The following PLPP1 variants were observed in gnomAD, a reference collection of about 807,000 sequenced individuals.
PLPP1 encodes the protein lipid phosphate phosphohydrolase 1a.
PLPP1 carries 24 observed loss-of-function variants against 31.2 expected under a neutral mutation model. The ratio of observed to expected loss-of-function variants is 0.77; its 90% confidence interval spans 0.56 to 1.08. The LOEUF is 1.08. Ranked by LOEUF, PLPP1 falls within the 50% of genes least tolerant of loss-of-function variation. The pLI, the probability that PLPP1 is intolerant of heterozygous loss-of-function variation, is 0.00. For missense variants in PLPP1, 319 were observed against 342.7 expected, an observed-to-expected ratio of 0.93 and a Z score of 0.55; for synonymous variants, 146 against 126.3, an observed-to-expected ratio of 1.16 and a Z score of -1.05.
At chr5:55,520,854 A>C (rs1209544606) in intron 1 of PLPP1, among the ~76,000 whole-genome samples, 3 of 152,210 alleles carry the variant, frequency 2.0e-5, no homozygotes, top group Non-Finnish European at 4.4e-5. Flanking sequence ...ATGTGCCCAA[A>C]AGTTTACATT....
intron 1 of PLPP1, among the ~76,000 whole-genome samples, chr5:55,495,398 G>C (rs1326528385): frequency 6.6e-6 from 1 of 152,128 alleles, no homozygotes; most frequent in Non-Finnish European, 1.5e-5. Context: ...GGCTGTGTCT[G>C]TCTTGTTCAG....
At chr5:55,509,705 C>T (rs988909252) in intron 1 of PLPP1, among the ~76,000 whole-genome samples, 1 of 152,098 alleles carries the variant, frequency 6.6e-6, no homozygotes, top group African/African-American at 2.4e-5. Context: ...GCTATTAGGG[C>T]AAGTTACTTC....
intron 1 of PLPP1, among the ~76,000 whole-genome samples, chr5:55,511,759 G>T (rs1260252711): frequency 1.4e-5 from 2 of 145,164 alleles, no homozygotes; most frequent in African/African-American, 5.1e-5. Context: ...CGCCTCCAGG[G>T]TTGACGCCAT....
chr5:55,534,888 C>T lies in PLPP1; in HGVS notation c.-259G>A. ...GGCGCTCGTGTGCCAGCCGCGGCAGCTCTGTAGCCTCAGGACCTCCTCAGC... is the reference window on the plus strand; with the variant it reads ...GGCGCTCGTGTGCCAGCCGCGGCAGTTCTGTAGCCTCAGGACCTCCTCAGC... On this transcript the variant is annotated 5_prime_UTR_variant, in exon 1 of 6. Coordinates refer to ENST00000307259, the MANE Select transcript of PLPP1 (RefSeq NM_003711.4). 1 of 484,494 alleles carries T rather than the reference C, an allele frequency of 2.1e-6. No homozygotes were observed. Among genetic ancestry groups the T allele is most frequent in the East Asian group, 3.8e-5 (1 of 26,636 alleles). The allele number at this position is 484,494 out of a possible 1,614,324, so 30.0% of individuals were successfully genotyped here. A position where few individuals can be genotyped will look rare whatever the true frequency, so the allele number is the denominator to read the frequency against.
At chr5:55,455,655 G>C (rs1751990243) in intron 3 of PLPP1, among the ~76,000 whole-genome samples, 1 of 152,198 alleles carries the variant, frequency 6.6e-6, no homozygotes, top group African/African-American at 2.4e-5. Context: ...CTAGCTAGCT[G>C]TGTATGCCCT....
At chr5:55,530,604 C>A (rs35984984) in intron 1 of PLPP1, 47,810 of 1,445,274 alleles carry the variant, frequency 0.033, 1,909 homozygotes, top group Admixed American at 0.14. Context: ...AAGTCTCATG[C>A]GATAGAATTT....
intron 2 of PLPP1, among the ~76,000 whole-genome samples, chr5:55,473,994 G>GTTT (rs59649742): frequency 0.026 from 3,822 of 144,882 alleles, 120 homozygotes; most frequent in African/African-American, 0.042. Flanking sequence ...TTGTTTGTTT[G>GTTT]TTGTTTTTTT....
Position 55,495,087 on chromosome 5 carries a change from C to T in PLPP1, c.59-19637G>A, listed in dbSNP as rs543481579. Among the ~76,000 whole-genome samples the T allele has an allele frequency of 8.1e-5, 12 of 148,314 alleles. No individual in the cohort carries two copies. The East Asian group carries it at 9.9e-4, about 12-fold the overall frequency. Reference sequence around the variant, plus strand: ...CAGAGGTTGTGGTGAGCTGAGATGGCGCCATTGCACTCCAGCCTGGGCAAC... The same window carrying T: ...CAGAGGTTGTGGTGAGCTGAGATGGTGCCATTGCACTCCAGCCTGGGCAAC... On this transcript the variant is annotated intron_variant, in intron 1 of 5. Transcript: ENST00000307259.
intron 1 of PLPP1, among the ~76,000 whole-genome samples, chr5:55,525,591 C>T (rs561149895): frequency 2.0e-5 from 3 of 152,168 alleles, no homozygotes; most frequent in Non-Finnish European, 4.4e-5. Context: ...CCACCTCAGT[C>T]CCCCAAAGTG....
At chr5:55,494,146 G>A (rs976161145) in intron 1 of PLPP1, among the ~76,000 whole-genome samples, 18 of 150,636 alleles carry the variant, frequency 1.2e-4, no homozygotes, top group African/African-American at 4.1e-4. Context: ...TCAGCAACAT[G>A]GTAAAATGAG....
chr5:55,521,630 T>G (rs1753670349), intron 1 of PLPP1, among the ~76,000 whole-genome samples: 1 of 152,230 alleles, frequency 6.6e-6, no homozygotes, highest in South Asian at 2.1e-4. Context: ...TCATTCTTAG[T>G]AATCTCAGTG....
chr5:55,426,236 G>T (rs887225198), intron 4 of PLPP1, among the ~76,000 whole-genome samples, 197 bp from the exon 5 acceptor site: 1 of 152,080 alleles, frequency 6.6e-6, no homozygotes, highest in Admixed American at 6.6e-5. Context: ...CTACTAACTT[G>T]TTCACAAGAA....
chr5:55,467,906 T>C lies in PLPP1; in HGVS notation c.454A>G (p.Ile152Val), dbSNP rs189226834. ...ACTCTTTCTGCATTCCCTCGACATA[T>C]GTAGTATTCAATGTAACCATCGCTG... ...NCSDGYIEYY[I>V]CRGNAERVKE... is the part of the protein sequence containing the mutation. The change falls in exon 3 of 6, where the codon ATA (isoleucine) becomes GTA (valine). Residue 152 changes from isoleucine to valine, a missense_variant. By Grantham distance (29) the Ile-to-Val change is conservative (BLOSUM62 3). Transcript: ENST00000307259. 24 of 1,614,096 alleles carry C rather than the reference T, an allele frequency of 1.5e-5. No individual in the cohort carries two copies. The highest frequency in any genetic ancestry group is 8.9e-5 in the East Asian group (4 of 44,880).
At chr5:55,467,000 A>G (rs1450903173) in intron 3 of PLPP1, among the ~76,000 whole-genome samples, 1 of 152,118 alleles carries the variant, frequency 6.6e-6, no homozygotes, top group Non-Finnish European at 1.5e-5. Context: ...CTCATCTATC[A>G]ATTTAAAAAG....
intron 3 of PLPP1, among the ~76,000 whole-genome samples, chr5:55,445,521 AT>A (rs1397087079): frequency 1.5e-5 from 2 of 134,302 alleles, no homozygotes; most frequent in Admixed American, 1.6e-4. Context: ...AAATATCTTT[AT>A]TTTGCATTCA....
At chr5:55,476,999 T>C (rs1156256812) in intron 1 of PLPP1, among the ~76,000 whole-genome samples, 1 of 151,268 alleles carries the variant, frequency 6.6e-6, no homozygotes, top group Non-Finnish European at 1.5e-5. Context: ...GCTACAAGGT[T>C]CCCAAAGCTA....
intron 4 of PLPP1, among the ~76,000 whole-genome samples, chr5:55,435,847 C>T (rs976430076): frequency 1.3e-5 from 2 of 152,166 alleles, no homozygotes; most frequent in South Asian, 4.2e-4. Context: ...CACAGTTAGG[C>T]TATTTCTATT....
intron 1 of PLPP1, among the ~76,000 whole-genome samples, chr5:55,488,447 A>G (rs1752819620): frequency 1.3e-5 from 2 of 151,974 alleles, no homozygotes; most frequent in African/African-American, 4.8e-5. Flanking sequence ...GGAATTCAAG[A>G]CCAGCCTGGC....
rs116436554 is a variant in PLPP1, at chr5:55,517,832, C to T, written c.58+16740G>A. On this transcript the variant is annotated intron_variant, in intron 1 of 5. Transcript: ENST00000307259. ...CTCCTGAAAGGCAAAAACAGAGCTACCAGCAATATCTACTTTTTTCTTTTT... is the reference window on the plus strand; with the variant it reads ...CTCCTGAAAGGCAAAAACAGAGCTATCAGCAATATCTACTTTTTTCTTTTT... Among the ~76,000 whole-genome samples the T allele has an allele frequency of 3.8e-3, 576 of 152,276 alleles. 4 individuals carry two copies. The highest frequency in any genetic ancestry group is 0.013 in the African/African-American group (547 of 41,558).
Sources: gnomAD v4.1 joint callset for allele counts (sites outside exome capture counted in the v4.1 genomes callset) on GRCh38, gnomAD v4.1.1 for gene constraint, MANE v1.5 for transcripts, NCBI Gene and HGNC (gene_info 2026-07-23, HGNC 2026-07-21) for gene names.